TMEM114: variants seen among roughly 807,000 people sequenced by gnomAD.
TMEM114 encodes claudin-26.
In TMEM114, 6 loss-of-function variants were observed where a neutral mutation model predicts 6.2. The ratio of observed to expected loss-of-function variants is 0.97; its 90% CI spans 0.53 to 1.91. TMEM114 has a LOEUF of 1.91. Among genes scored for constraint, TMEM114 ranks in the 40% most tolerant of loss-of-function variants. TMEM114 has a pLI of 0.01. For synonymous variants in TMEM114, 104 were observed against 73.0 expected (o/e 1.42, Z -2.16); for missense variants, 218 against 158.3 (o/e 1.38, Z -2.02).
At chr16:8,587,186 T>C (rs1165521113) in intron 2 of TMEM114, among the ~76,000 whole-genome samples, 1 of 152,188 alleles carries the variant, frequency 6.6e-6, no homozygotes, top group African/African-American at 2.4e-5. Context: ...CTCTGGACTT[T>C]AGAGAAACAG....
chr16:8,550,952 C>T (rs1452701613), intron 2 of TMEM114, among the ~76,000 whole-genome samples: 3 of 152,166 alleles, frequency 2.0e-5, no homozygotes, highest in Non-Finnish European at 4.4e-5. Context: ...TGCATCTCAC[C>T]TTGTACTTGA....
downstream of TMEM114, among the ~76,000 whole-genome samples, chr16:8,536,126 G>A (rs1900351077): frequency 6.6e-6 from 1 of 151,874 alleles, no homozygotes; most frequent in Admixed American, 6.6e-5. Context: ...TCGGGAGGCT[G>A]AGGCAGGACA....
chr16:8,571,435 G>C (rs1205453421), intron 3 of TMEM114, among the ~76,000 whole-genome samples: 1 of 152,076 alleles, frequency 6.6e-6, no homozygotes, highest in Non-Finnish European at 1.5e-5. Flanking sequence ...CATTTCTTTT[G>C]TGTGTGGTGA....
chr16:8,549,472 C>T (rs1317373802), intron 2 of TMEM114, among the ~76,000 whole-genome samples: 1 of 148,436 alleles, frequency 6.7e-6, no homozygotes, highest in African/African-American at 2.5e-5. Context: ...TTCACTCAAG[C>T]CTGGGCAACA....
At chr16:8,568,555 C>G (rs1012328085), downstream of TMEM114, among the ~76,000 whole-genome samples, 2 of 152,146 alleles carry the variant, frequency 1.3e-5, no homozygotes, top group African/African-American at 2.4e-5. Context: ...ATGATGATGA[C>G]AGTGTTGACG....
chr16:8,563,579 G>A (rs970248775), intron 2 of TMEM114, among the ~76,000 whole-genome samples: 3 of 144,876 alleles, frequency 2.1e-5, no homozygotes, highest in Non-Finnish European at 4.6e-5. Context: ...GGGAGGAAAT[G>A]AGTGAGTGAA....
At chr16:8,559,600 A>G (rs1159571113) in intron 2 of TMEM114, among the ~76,000 whole-genome samples, 1 of 152,230 alleles carries the variant, frequency 6.6e-6, no homozygotes, top group African/African-American at 2.4e-5. Context: ...TTTATCAGTC[A>G]TCAAAGCGTT....
chr16:8,558,081 C>G (rs546851999), intron 2 of TMEM114, among the ~76,000 whole-genome samples: 229 of 152,070 alleles, frequency 1.5e-3, no homozygotes, highest in South Asian at 7.1e-3. Context: ...TGGTGAAACC[C>G]CATCTCTACT....
At chr16:8,580,878 G>C (rs1251520918) in intron 2 of TMEM114, among the ~76,000 whole-genome samples, 1 of 152,118 alleles carries the variant, frequency 6.6e-6, no homozygotes, top group Non-Finnish European at 1.5e-5. Flanking sequence ...TCTTGGTAGA[G>C]ACAGCGTTTC....
At chr16:8,545,177 C>T (rs1367588896) in intron 2 of TMEM114, among the ~76,000 whole-genome samples, 4 of 152,204 alleles carry the variant, frequency 2.6e-5, no homozygotes. Flanking sequence ...ATGGCTCACA[C>T]CTGTAATCCC....
At chr16:8,527,804 A>G in the TMEM114 span, among the ~76,000 whole-genome samples, 12,037 of 152,208 alleles carry the variant, frequency 0.079, 601 homozygotes, top group South Asian at 0.13. Flanking sequence ...TCTCCCCCCA[A>G]TACAGGATGT....
chr16:8,530,842 A>T, the TMEM114 span, among the ~76,000 whole-genome samples: 1 of 152,088 alleles, frequency 6.6e-6, no homozygotes, highest in African/African-American at 2.4e-5. Context: ...TGGCCAACAC[A>T]GAGAAACCCC....
downstream of TMEM114, among the ~76,000 whole-genome samples, chr16:8,534,606 C>T (rs1214010526): frequency 6.6e-6 from 1 of 152,148 alleles, no homozygotes; most frequent in Non-Finnish European, 1.5e-5. Flanking sequence ...TGGGATAACA[C>T]ACACAAGTGC....
At position 8,562,802 on chromosome 16, in the gene TMEM114, GA is replaced by G. The variant is rs1157491626; in HGVS notation, n.213-24977del. On this transcript the variant is annotated intron_variant and non_coding_transcript_variant, in intron 2 of 2. Coordinates refer to the TMEM114 transcript ENST00000623677. ...TGAGTGAATGAGTAAGTGAGTGAATGAGTGAGTAAATGAGTGAGGGAGGGAG... is the reference window on the plus strand; with the variant it reads ...TGAGTGAATGAGTAAGTGAGTGAATGGTGAGTAAATGAGTGAGGGAGGGAG... Among the ~76,000 whole-genome samples, 17 of 150,984 alleles carry G rather than the reference GA, an allele frequency of 1.1e-4. No individual in the cohort carries two copies. The East Asian group carries it at 3.3e-3, about 29-fold the overall frequency.
In TMEM114 at chr16:8,589,916, G is replaced by A. The variant is rs1224616909; in HGVS notation, c.-78C>T. ...TCTGCTCCTGCCCCCGTCCCCAGCC[G>A]GCCACCGCGGGCTCCCAGCTCCACC... On this transcript the variant is annotated 5_prime_UTR_variant, in exon 1 of 4. Transcript: ENST00000620492. The A allele has an allele frequency of 7.7e-6, 3 of 390,652 alleles. No individual in the cohort carries two copies. Among genetic ancestry groups the A allele is most frequent in the Non-Finnish European group, 9.0e-6 (2 of 221,582 alleles). The allele number at this position is 390,652 out of a possible 1,614,324, so 24.2% of individuals were successfully genotyped here. A position where few individuals can be genotyped will look rare whatever the true frequency, so the allele number is the denominator to read the frequency against.
chr16:8,568,576 G>T (rs1901621748), downstream of TMEM114, among the ~76,000 whole-genome samples: 1 of 152,204 alleles, frequency 6.6e-6, no homozygotes, highest in Non-Finnish European at 1.5e-5. Flanking sequence ...TCATGGTGAT[G>T]ATGATGTCAT....
chr16:8,562,078 G>A (rs1901243507), intron 2 of TMEM114, among the ~76,000 whole-genome samples: 1 of 150,870 alleles, frequency 6.6e-6, no homozygotes, highest in African/African-American at 2.4e-5. Context: ...ATGAGTGAGT[G>A]AATGAATGAG....
chr16:8,564,385 GGGAA>G (rs1389518763), intron 2 of TMEM114, among the ~76,000 whole-genome samples: 4 of 147,886 alleles, frequency 2.7e-5, no homozygotes, highest in Non-Finnish European at 4.5e-5. Context: ...GAATGAGTGA[GGGAA>G]TGAGTGAGTG....
intron 2 of TMEM114, among the ~76,000 whole-genome samples, chr16:8,586,049 A>G (rs1902309451): frequency 6.6e-6 from 1 of 152,248 alleles, no homozygotes; most frequent in African/African-American, 2.4e-5. Context: ...AGAGGAAGCC[A>G]GCCCAGTGCC....
Sources: gnomAD v4.1 joint callset for allele counts (sites outside exome capture counted in the v4.1 genomes callset) on GRCh38, gnomAD v4.1.1 for gene constraint, MANE v1.5 for transcripts, NCBI Gene and HGNC (gene_info 2026-07-23, HGNC 2026-07-21) for gene names.